Variants in BRI3BP observed in about 807,000 individuals in gnomAD.
BRI3BP encodes the protein BRI3 binding protein.
Under a neutral mutation model 15.8 loss-of-function variants are expected in BRI3BP, and 7 were observed. The ratio of observed to expected loss-of-function variants is 0.44; its 90% confidence interval spans 0.25 to 0.83. The LOEUF is 0.83. Ranked by LOEUF, BRI3BP falls within the 40% of genes least tolerant of loss-of-function variation. The pLI is 0.20. For missense variants in BRI3BP, 320 were observed against 339.3 expected (o/e 0.94, Z 0.45); for synonymous variants, 192 against 163.5 (o/e 1.17, Z -1.33).
intron 1 of BRI3BP, among the ~76,000 whole-genome samples, chr12:125,007,695 G>A (rs2135991104): frequency 6.6e-6 from 1 of 151,550 alleles, no homozygotes; most frequent in East Asian, 1.9e-4. Flanking sequence ...ACTCCAGGCT[G>A]GGCAACAGAG....
At chr12:125,022,272 CAA>C (rs1955305384) in intron 2 of BRI3BP, among the ~76,000 whole-genome samples, 2 of 151,990 alleles carry the variant, frequency 1.3e-5, no homozygotes, top group Admixed American at 1.3e-4. Flanking sequence ...ACTCATTAAA[CAA>C]CACTGTCAGG....
chr12:124,996,296 T>A (rs1955040369), intron 1 of BRI3BP, among the ~76,000 whole-genome samples: 1 of 152,108 alleles, frequency 6.6e-6, no homozygotes, highest in African/African-American at 2.4e-5. Context: ...GGGTTTTTTT[T>A]TAAATTTAAT....
chr12:125,008,756 A>T (rs1001054595), intron 1 of BRI3BP, among the ~76,000 whole-genome samples: 2 of 152,088 alleles, frequency 1.3e-5, no homozygotes, highest in Non-Finnish European at 2.9e-5. Flanking sequence ...CTTTATTTCT[A>T]TTATCATTAC....
At chr12:125,036,348 C>T in the BRI3BP span, among the ~76,000 whole-genome samples, 2 of 151,392 alleles carry the variant, frequency 1.3e-5, no homozygotes, top group Non-Finnish European at 3.0e-5. Flanking sequence ...CAGGCATGAG[C>T]CACCGCACCC....
At chr12:125,019,634 C>CTTTTTTTTTTTTTTTTTTTTTTTTT in intron 2 of BRI3BP, among the ~76,000 whole-genome samples, 1 of 45,540 alleles carries the variant, frequency 2.2e-5, no homozygotes, top group Non-Finnish European at 5.0e-5. Context: ...TTAATTCCAC[C>CTTTTTTTTTTTTTTTTTTTTTTTTT]CTTTTTTTTT....
chr12:125,011,443 C>T (rs1363862251), intron 1 of BRI3BP, among the ~76,000 whole-genome samples: 1 of 152,176 alleles, frequency 6.6e-6, no homozygotes, highest in African/African-American at 2.4e-5. Flanking sequence ...GGCCTGGCTC[C>T]AGGTGTACCA....
the BRI3BP span, among the ~76,000 whole-genome samples, chr12:125,049,742 C>T: frequency 5.9e-5 from 9 of 152,374 alleles, no homozygotes; most frequent in East Asian, 1.7e-3. Flanking sequence ...TCAGGCCGAT[C>T]TTCCAGACGC....
chr12:125,044,308 A>G, the BRI3BP span, among the ~76,000 whole-genome samples: 5 of 151,884 alleles, frequency 3.3e-5, no homozygotes, highest in Non-Finnish European at 1.5e-5. Context: ...ATGCGCCACC[A>G]TGCTAGCTAA....
intron 2 of BRI3BP, among the ~76,000 whole-genome samples, chr12:125,015,736 T>C (rs1245541094): frequency 6.6e-6 from 1 of 152,166 alleles, no homozygotes; most frequent in Non-Finnish European, 1.5e-5. Context: ...AGTTCAACCT[T>C]TAAGAGGCCT....
chr12:124,996,234 T>C (rs1253985647), intron 1 of BRI3BP, among the ~76,000 whole-genome samples: 1 of 152,032 alleles, frequency 6.6e-6, no homozygotes, highest in Admixed American at 6.6e-5. Context: ...TATTTCCTGC[T>C]GAGTGTAGCC....
intron 1 of BRI3BP, among the ~76,000 whole-genome samples, chr12:125,003,036 C>T (rs1196384674): frequency 1.3e-5 from 2 of 152,178 alleles, no homozygotes; most frequent in East Asian, 3.8e-4. Context: ...TGTTATGTTC[C>T]AGCATTTTCC....
intron 1 of BRI3BP, among the ~76,000 whole-genome samples, chr12:125,009,173 G>T (rs1012340733): frequency 2.6e-5 from 4 of 151,342 alleles, no homozygotes; most frequent in Admixed American, 2.0e-4. Context: ...TAGAGATGGG[G>T]TTTCAGCATG....
At chr12:124,998,564 C>A (rs907132332) in intron 1 of BRI3BP, among the ~76,000 whole-genome samples, 25 of 152,130 alleles carry the variant, frequency 1.6e-4, no homozygotes, top group Admixed American at 1.3e-3. Context: ...ATAGGAAGAT[C>A]CGTAGAGACA....
the BRI3BP span, among the ~76,000 whole-genome samples, chr12:125,049,551 A>G: frequency 1.5e-4 from 23 of 152,068 alleles, no homozygotes; most frequent in Non-Finnish European, 3.1e-4. Context: ...CGGGTGGGGC[A>G]GGACCGACTC....
the BRI3BP span, among the ~76,000 whole-genome samples, chr12:125,042,431 T>G: frequency 6.6e-6 from 1 of 152,194 alleles, no homozygotes; most frequent in East Asian, 1.9e-4. Flanking sequence ...AAACATTAAA[T>G]GTTCATTTTT....
intron 2 of BRI3BP, among the ~76,000 whole-genome samples, chr12:125,021,899 C>A (rs1955302118): frequency 6.6e-6 from 1 of 151,926 alleles, no homozygotes; most frequent in Admixed American, 6.6e-5. Flanking sequence ...AGAACCAAAC[C>A]ACTTCACTGT....
chr12:125,032,548 G>T (rs768683536), downstream of BRI3BP, among the ~76,000 whole-genome samples: 6 of 152,338 alleles, frequency 3.9e-5, no homozygotes, highest in Admixed American at 2.0e-4. Context: ...CAGGTGAATC[G>T]CTCGAGTCCA....
chr12:125,015,577 C>T (rs1022720175), intron 2 of BRI3BP, among the ~76,000 whole-genome samples: 1 of 152,136 alleles, frequency 6.6e-6, no homozygotes, highest in Admixed American at 6.5e-5. Context: ...ATACCATAGC[C>T]CTGTTACATG....
At chr12:125,037,627 T>C in the BRI3BP span, among the ~76,000 whole-genome samples, 2 of 145,498 alleles carry the variant, frequency 1.4e-5, 1 homozygote, top group South Asian at 4.7e-4. Context: ...CTGGCCAATA[T>C]GGTGAAACCC....
Sources: allele counts gnomAD v4.1 joint callset (sites outside exome capture counted in the v4.1 genomes callset), GRCh38; gene constraint gnomAD v4.1.1; transcripts MANE v1.5; gene names NCBI Gene and HGNC (gene_info 2026-07-23, HGNC 2026-07-21).